SLC1A1: variants seen among roughly 807,000 people sequenced by gnomAD.
SLC1A1 encodes the protein excitatory amino acid transporter 3.
In SLC1A1, 43 loss-of-function variants were observed where a neutral mutation model predicts 53.3. The observed-to-expected ratio is 0.81, with a 90% CI of 0.63 to 1.04. The LOEUF is 1.04. Among genes scored for constraint, SLC1A1 ranks in the 50% least tolerant of loss-of-function variants. SLC1A1 has a pLI of 0.00. For missense variants in SLC1A1, 748 were observed against 664.9 expected (o/e 1.12, Z -1.37); for synonymous variants, 307 against 243.2 (o/e 1.26, Z -2.44).
At chr9:4,503,126 A>G (rs1050161842) in intron 1 of SLC1A1, among the ~76,000 whole-genome samples, 2 of 151,682 alleles carry the variant, frequency 1.3e-5, no homozygotes, top group Non-Finnish European at 2.9e-5. Context: ...CCCTTGATTT[A>G]TATGCATAAA....
In SLC1A1 at chr9:4,556,551, A is replaced by T. The variant is rs1214560569; in HGVS notation, c.233-4898A>T. ...CGCCAGCCACCAAAGATGGCCTGAGAGCAAGAAACCCGGGGGTCCATTGAG... is the reference window on the plus strand; with the variant it reads ...CGCCAGCCACCAAAGATGGCCTGAGTGCAAGAAACCCGGGGGTCCATTGAG... On this transcript the variant is annotated intron_variant, in intron 2 of 11. Coordinates refer to ENST00000262352, the MANE Select transcript of SLC1A1 (RefSeq NM_004170.6). The surrounding 1 kb of genome is among the most constrained non-coding windows in gnomAD (Gnocchi z 4.1). Among the ~76,000 whole-genome samples the T allele has an allele frequency of 6.6e-6, 1 of 152,178 alleles. No homozygotes were observed. The highest frequency in any genetic ancestry group is 1.5e-5 in the Non-Finnish European group (1 of 68,034).
intron 2 of SLC1A1, among the ~76,000 whole-genome samples, chr9:4,557,220 G>T (rs565812392): frequency 6.6e-6 from 1 of 152,226 alleles, no homozygotes; most frequent in African/African-American, 2.4e-5. Flanking sequence ...GGCACTGGGG[G>T]CCCAGTGAAG....
intron 11 of SLC1A1, among the ~76,000 whole-genome samples, chr9:4,584,806 C>T (rs1564071577): frequency 1.3e-5 from 2 of 152,096 alleles, no homozygotes; most frequent in African/African-American, 4.8e-5. Flanking sequence ...TCCTGGTTTG[C>T]TCATAAGTAG....
intron 1 of SLC1A1, among the ~76,000 whole-genome samples, chr9:4,509,922 C>T (rs1440205594): frequency 2.6e-5 from 4 of 152,216 alleles, no homozygotes; most frequent in Non-Finnish European, 5.9e-5. Flanking sequence ...CAACCTCTGC[C>T]TCCCAGGTTC....
chr9:4,577,752 G>T (rs965013133), intron 10 of SLC1A1, among the ~76,000 whole-genome samples: 1 of 152,184 alleles, frequency 6.6e-6, no homozygotes, highest in African/African-American at 2.4e-5. Context: ...CGGGATTATA[G>T]GTGTGAGCCA....
At chr9:4,525,436 C>G (rs1367028858) in intron 1 of SLC1A1, among the ~76,000 whole-genome samples, 2 of 152,114 alleles carry the variant, frequency 1.3e-5, no homozygotes. Context: ...TGTAGGTAGA[C>G]TTTCACAACT....
intron 10 of SLC1A1, among the ~76,000 whole-genome samples, chr9:4,579,526 G>A (rs1486223899): frequency 1.3e-5 from 2 of 152,032 alleles, no homozygotes; most frequent in African/African-American, 4.8e-5. Context: ...TGAACTCTGG[G>A]CCTAGAAGCT....
intron 6 of SLC1A1, among the ~76,000 whole-genome samples, chr9:4,570,576 G>A (rs937127228): frequency 6.6e-6 from 1 of 151,876 alleles, no homozygotes; most frequent in African/African-American, 2.4e-5. Context: ...TCACCATGTT[G>A]GCCAGGCTGG....
chr9:4,504,263 C>T (rs555107729), intron 1 of SLC1A1, among the ~76,000 whole-genome samples: 3 of 152,312 alleles, frequency 2.0e-5, no homozygotes, highest in Non-Finnish European at 2.9e-5. Context: ...TTTTCAGCTA[C>T]GGTATTTAGC....
Position 4,585,339 on chromosome 9 carries a change from C to G in SLC1A1, c.1356C>G (p.Val452=). The G allele has an allele frequency of 6.2e-7, 1 of 1,614,096 alleles. No individual in the cohort carries two copies. The highest frequency in any genetic ancestry group is 8.5e-7 in the Non-Finnish European group (1 of 1,180,006). The part of the protein sequence containing the change: ...LLDRFRTMVN[V]LGDAFGTGIV... ...ACCGGTTCAGGACCATGGTCAACGTCCTTGGTGATGCTTTTGGGACGGGCA... is the reference window on the plus strand; with the variant it reads ...ACCGGTTCAGGACCATGGTCAACGTGCTTGGTGATGCTTTTGGGACGGGCA... Residue 452 remains valine, a synonymous_variant, in exon 12 of 12, where the codon GTC becomes GTG. Coordinates refer to ENST00000262352, the MANE Select transcript of SLC1A1 (RefSeq NM_004170.6).
At chr9:4,505,530 C>T (rs1009524684) in intron 1 of SLC1A1, among the ~76,000 whole-genome samples, 2 of 152,200 alleles carry the variant, frequency 1.3e-5, no homozygotes, top group African/African-American at 4.8e-5. Flanking sequence ...GAGGATGTTT[C>T]TCAATTCAGC....
intron 1 of SLC1A1, among the ~76,000 whole-genome samples, chr9:4,534,084 C>G (rs1054274499): frequency 1.3e-5 from 2 of 152,170 alleles, no homozygotes; most frequent in African/African-American, 4.8e-5. Flanking sequence ...ATTTATACCA[C>G]TAAATGCCCA....
chr9:4,570,454 C>T (rs1203538619), intron 6 of SLC1A1, among the ~76,000 whole-genome samples: 1 of 132,952 alleles, frequency 7.5e-6, no homozygotes. Flanking sequence ...TCACTGCAGC[C>T]TCCGCCTCCT....
At chr9:4,497,204 T>C (rs1434697636) in intron 1 of SLC1A1, among the ~76,000 whole-genome samples, 2 of 152,114 alleles carry the variant, frequency 1.3e-5, no homozygotes, top group African/African-American at 4.8e-5. Context: ...ATATAGGTAT[T>C]AAATGATTTA....
At chr9:4,525,655 G>C (rs1049985746) in intron 1 of SLC1A1, among the ~76,000 whole-genome samples, 1 of 152,098 alleles carries the variant, frequency 6.6e-6, no homozygotes, top group Non-Finnish European at 1.5e-5. Context: ...GTGTGAAAAG[G>C]ATACTGTAAG....
chr9:4,512,898 G>T (rs1449381882), intron 1 of SLC1A1, among the ~76,000 whole-genome samples: 1 of 152,096 alleles, frequency 6.6e-6, no homozygotes, highest in Non-Finnish European at 1.5e-5. Context: ...TCAAAGTGCT[G>T]AGATTGCAGG....
At chr9:4,536,162 A>G (rs528200765) in intron 1 of SLC1A1, among the ~76,000 whole-genome samples, 3 of 152,334 alleles carry the variant, frequency 2.0e-5, no homozygotes, top group South Asian at 4.1e-4. Flanking sequence ...AAACACCAAA[A>G]GCAATGGCAA....
intron 5 of SLC1A1, 27 bp downstream of exon 5, chr9:4,566,116 C>G (rs1819462945): frequency 6.3e-7 from 1 of 1,582,982 alleles, no homozygotes. Context: ...GTGCCCTTAA[C>G]TTGCTACCCT....
At chr9:4,519,448 A>T (rs1341468137) in intron 1 of SLC1A1, among the ~76,000 whole-genome samples, 3 of 152,242 alleles carry the variant, frequency 2.0e-5, no homozygotes, top group Non-Finnish European at 4.4e-5. Flanking sequence ...AAATGGAATT[A>T]GAATCCAGAT....
Sources: allele counts gnomAD v4.1 joint callset (sites outside exome capture counted in the v4.1 genomes callset), GRCh38; gene constraint gnomAD v4.1.1; non-coding constraint Gnocchi (gnomAD v3.1); transcripts MANE v1.5; gene names NCBI Gene and HGNC (gene_info 2026-07-23, HGNC 2026-07-21).